CLOCK: variants seen among roughly 807,000 people sequenced by gnomAD.
The protein encoded by CLOCK is circadian locomoter output cycles protein kaput.
Under a neutral mutation model 118.4 loss-of-function variants are expected in CLOCK, and 43 were observed. That is an observed-to-expected ratio of 0.36 (90% CI 0.28 to 0.47). The LOEUF is 0.47. Ranked by LOEUF, CLOCK falls within the 20% of genes least tolerant of loss-of-function variation. The probability of loss-of-function intolerance (pLI) is 1.00; values close to 1 mark genes in which losing one functional copy is unlikely to be tolerated. For missense variants in CLOCK, 846 were observed against 999.9 expected (o/e 0.85, Z 2.08); for synonymous variants, 326 against 339.2 (o/e 0.96, Z 0.43).
intron 1 of CLOCK, among the ~76,000 whole-genome samples, chr4:55,528,618 C>A (rs7696080): frequency 0.026 from 3,955 of 152,120 alleles, 176 homozygotes; most frequent in African/African-American, 0.092. Context: ...AGAAAGCAGA[C>A]CCAAGTGTGT....
At chr4:55,457,074 T>G (rs1021291641) in intron 11 of CLOCK, among the ~76,000 whole-genome samples, 3 of 152,244 alleles carry the variant, frequency 2.0e-5, no homozygotes, top group African/African-American at 7.2e-5. Flanking sequence ...TACTTCTCAC[T>G]CTACACATTT....
chr4:55,531,952 A>G (rs986568553), intron 1 of CLOCK, among the ~76,000 whole-genome samples: 1 of 151,998 alleles, frequency 6.6e-6, no homozygotes, highest in Non-Finnish European at 1.5e-5. Context: ...CAAATTCAAC[A>G]GCACATTAAA....
At chr4:55,539,530 A>G (rs1393272264) in intron 1 of CLOCK, among the ~76,000 whole-genome samples, 2 of 132,960 alleles carry the variant, frequency 1.5e-5, no homozygotes, top group Non-Finnish European at 3.1e-5. Flanking sequence ...CCATGTTCAC[A>G]CCACTACACT....
At chr4:55,541,950 CAAAA>C (rs55793804) in intron 1 of CLOCK, among the ~76,000 whole-genome samples, 1 of 136,984 alleles carries the variant, frequency 7.3e-6, no homozygotes. Flanking sequence ...CTCCCCCCAC[CAAAA>C]AAAAAAAAAA....
At chr4:55,447,745 T>G (rs889387376) in intron 18 of CLOCK, among the ~76,000 whole-genome samples, 3 of 152,110 alleles carry the variant, frequency 2.0e-5, no homozygotes, top group African/African-American at 7.3e-5. Flanking sequence ...TGACTTAAAT[T>G]AAATAACCAT....
At chr4:55,496,425 A>G (rs762275303) in intron 2 of CLOCK, among the ~76,000 whole-genome samples, 2 of 152,190 alleles carry the variant, frequency 1.3e-5, no homozygotes, top group Non-Finnish European at 2.9e-5. Flanking sequence ...ATTACCTTCT[A>G]TGAGAAATGC....
intron 5 of CLOCK, 81 bp from the exon 6 acceptor site, chr4:55,479,044 G>GCTGTGTCATGTCTA: frequency 2.6e-6 from 3 of 1,148,632 alleles, no homozygotes; most frequent in Non-Finnish European, 3.7e-6. Flanking sequence ...ATTTAGACAT[G>GCTGTGTCATGTCTA]ACACAGCATG....
At position 55,433,376 on chromosome 4, in the gene CLOCK, A is replaced by G. The variant is rs1722651070; in HGVS notation, c.*2039T>C. On this transcript the variant is annotated 3_prime_UTR_variant, in exon 23 of 23. Transcript: ENST00000513440. The stretch of plus-strand genomic sequence containing the variant: ...TTTTCTTTGGTTGTTTTCTTTTTCA[A>G]CATTAATGTTCAAAGTAATTGTAGC... 1 of 152,580 alleles carries G rather than the reference A, an allele frequency of 6.6e-6. No homozygotes were observed. The highest frequency in any genetic ancestry group is 1.5e-5 in the Non-Finnish European group (1 of 68,030). The allele number at this position is 152,580 out of a possible 1,614,324, so 9.5% of individuals were successfully genotyped here. A position where few individuals can be genotyped will look rare whatever the true frequency, so the allele number is the denominator to read the frequency against.
At chr4:55,491,845 C>T (rs1012788798) in intron 2 of CLOCK, among the ~76,000 whole-genome samples, 1 of 151,878 alleles carries the variant, frequency 6.6e-6, no homozygotes, top group Non-Finnish European at 1.5e-5. Context: ...ATCAGTAAGT[C>T]AGAATGATAA....
In CLOCK at chr4:55,451,195, C is replaced by T. The variant is rs557507834; in HGVS notation, c.1207-963G>A. On this transcript the variant is annotated intron_variant, in intron 15 of 22. Coordinates refer to ENST00000513440, the MANE Select transcript of CLOCK (RefSeq NM_004898.4). ...TTTAAACCAACTCTAATCATGCTTT[C>T]ACCCACACTGCTACTCCACAAAATC... Among the ~76,000 whole-genome samples the T allele has an allele frequency of 3.9e-5, 6 of 152,246 alleles. No homozygotes were observed. In the South Asian group the frequency reaches 1.2e-3, roughly 32 times the overall value.
Position 55,503,787 on chromosome 4 carries a change from T to C in CLOCK, c.-136+6125A>G, listed in dbSNP as rs980541262. Among the ~76,000 whole-genome samples the C allele has an allele frequency of 6.6e-5, 10 of 151,976 alleles. 1 individual carries two copies. Among genetic ancestry groups the C allele is most frequent in the African/African-American group, 2.4e-4 (10 of 41,392 alleles). ...TAACACAATTACTGAGGAATTGTCT[T>C]GGTATGTGGATCCTTCCCATAACAT... On this transcript the variant is annotated intron_variant, in intron 2 of 22. Transcript: ENST00000513440.
chr4:55,439,116 T>C (rs1461873414), intron 21 of CLOCK, among the ~76,000 whole-genome samples: 1 of 152,188 alleles, frequency 6.6e-6, no homozygotes, highest in East Asian at 1.9e-4. Flanking sequence ...ATATCATCCT[T>C]CTGATAAGGG....
chr4:55,489,507 T>C (rs1047407012), intron 2 of CLOCK, 42 bp from the exon 3 acceptor site: 4 of 152,092 alleles, frequency 2.6e-5, no homozygotes, highest in African/African-American at 4.8e-5. Flanking sequence ...TCAACTTACA[T>C]AGAAGTTTAT....
chr4:55,429,676 C>A lies in CLOCK; in HGVS notation c.*5739G>T, dbSNP rs566374054. On this transcript the variant is annotated 3_prime_UTR_variant, in exon 23 of 23. Transcript: ENST00000513440. ...TTTCCCCAAATGGGCAAAATAGAGG[C>A]ATCATGTGCCATTGGTTCTGTCATA... The A allele has an allele frequency of 3.9e-5, 6 of 152,300 alleles. No homozygotes were observed. The highest frequency in any genetic ancestry group is 6.5e-5 in the Admixed American group (1 of 15,294). 9.4% of individuals were successfully genotyped at this position (152,300 alleles called of 1,614,324 possible).
chr4:55,519,526 C>A (rs903163366), intron 1 of CLOCK, among the ~76,000 whole-genome samples: 4 of 152,096 alleles, frequency 2.6e-5, no homozygotes, highest in African/African-American at 7.2e-5. Context: ...GTAGCTCATG[C>A]CTGTAATCCC....
chr4:55,506,532 G>A (rs1728805210), intron 2 of CLOCK, among the ~76,000 whole-genome samples: 1 of 151,916 alleles, frequency 6.6e-6, no homozygotes, highest in South Asian at 2.1e-4. Flanking sequence ...CTATTCAAGA[G>A]TGGCTTTTTA....
intron 1 of CLOCK, among the ~76,000 whole-genome samples, chr4:55,542,259 G>A (rs901277259): frequency 1.3e-5 from 2 of 150,622 alleles, no homozygotes; most frequent in East Asian, 1.9e-4. Context: ...CAGGAGAATC[G>A]CTTGAACCAA....
chr4:55,526,435 A>G (rs1309059022), intron 1 of CLOCK, among the ~76,000 whole-genome samples: 1 of 152,242 alleles, frequency 6.6e-6, no homozygotes, highest in Admixed American at 6.5e-5. Context: ...ATATCATGAT[A>G]TAACATGTAG....
chr4:55,442,695 G>T, intron 20 of CLOCK, 61 bp from the exon 21 acceptor site: 2 of 1,378,482 alleles, frequency 1.5e-6, no homozygotes, highest in Non-Finnish European at 2.0e-6. Flanking sequence ...TGGGAAGTAT[G>T]CTAGAATTCA....
Sources: gnomAD v4.1 joint callset for allele counts (sites outside exome capture counted in the v4.1 genomes callset) on GRCh38, gnomAD v4.1.1 for gene constraint, MANE v1.5 for transcripts, NCBI Gene and HGNC (gene_info 2026-07-23, HGNC 2026-07-21) for gene names.